Variants in PIWIL1 observed in about 807,000 individuals in gnomAD.
PIWIL1 encodes the protein piwi-like protein 1.
PIWIL1 carries 73 observed loss-of-function variants against 114.4 expected under a neutral mutation model. The observed-to-expected ratio is 0.64, with a 90% CI of 0.53 to 0.78. The LOEUF (loss-of-function observed/expected upper bound fraction) is 0.78. Among genes scored for constraint, PIWIL1 ranks in the 30% least tolerant of loss-of-function variants. The pLI is 0.00. For synonymous variants in PIWIL1, 375 were observed against 369.0 expected, an observed-to-expected ratio of 1.02 and a Z score of -0.19; for missense variants, 723 against 1,063.1, an observed-to-expected ratio of 0.68 and a Z score of 4.45.
In PIWIL1 at chr12:130,362,992, G is replaced by A. The variant is rs200510720; in HGVS notation, c.2043G>A (p.Ala681=). The A allele has an allele frequency of 1.5e-4, 243 of 1,613,704 alleles. No homozygotes were observed. The highest frequency in any genetic ancestry group is 8.3e-4 in the East Asian group (37 of 44,846). Residue 681 remains alanine, a splice_region_variant and synonymous_variant, in exon 18 of 21, where the codon GCG becomes GCA. Coordinates refer to ENST00000245255, the MANE Select transcript of PIWIL1 (RefSeq NM_004764.5). The part of the protein sequence containing the change: ...LVDGLKVCLQ[A]ALRAWNSCNE... The stretch of plus-strand genomic sequence containing the variant: ...TAAAACTTCTCTGGCCTGTTTCAGC[G>A]GCTCTGAGGGCTTGGAATAGCTGCA...
chr12:130,415,522 T>C, the PIWIL1 span, among the ~76,000 whole-genome samples: 1 of 152,236 alleles, frequency 6.6e-6, no homozygotes, highest in Non-Finnish European at 1.5e-5. Flanking sequence ...TCACCATTCC[T>C]GTTCAACACT....
intron 14 of PIWIL1, among the ~76,000 whole-genome samples, 198 bp downstream of exon 14, chr12:130,357,751 C>T (rs560756964): frequency 6.6e-6 from 1 of 152,144 alleles, no homozygotes; most frequent in Non-Finnish European, 1.5e-5. Flanking sequence ...GGTTTACATA[C>T]TGCAAAAGGT....
chr12:130,360,290 A>C (rs928531641), intron 14 of PIWIL1, among the ~76,000 whole-genome samples: 2 of 152,214 alleles, frequency 1.3e-5, no homozygotes, highest in African/African-American at 4.8e-5. Flanking sequence ...CACTATAAAA[A>C]GGGAAGAGAA....
chr12:130,406,381 A>G, the PIWIL1 span: 5 of 611,482 alleles, frequency 8.2e-6, no homozygotes, highest in Non-Finnish European at 1.4e-5. Context: ...ATAAAGGTAG[A>G]AGCTAATGAA....
chr12:130,392,250 G>A, the PIWIL1 span, among the ~76,000 whole-genome samples: 2 of 111,170 alleles, frequency 1.8e-5, no homozygotes, highest in Non-Finnish European at 3.7e-5. Context: ...CCCGGTCACC[G>A]TCATCACGTG....
chr12:130,417,300 G>A, the PIWIL1 span, among the ~76,000 whole-genome samples: 1 of 152,140 alleles, frequency 6.6e-6, no homozygotes. Flanking sequence ...TATGGTGATC[G>A]CAGCACTGTT....
the PIWIL1 span, among the ~76,000 whole-genome samples, chr12:130,401,417 T>A: frequency 2.6e-5 from 4 of 152,134 alleles, no homozygotes; most frequent in Admixed American, 1.3e-4. Context: ...ACCTGGCCAA[T>A]TTTAGATAAA....
chr12:130,359,906 CAAT>C (rs772872273), intron 14 of PIWIL1, among the ~76,000 whole-genome samples: 27 of 152,264 alleles, frequency 1.8e-4, no homozygotes, highest in Non-Finnish European at 3.2e-4. Context: ...TGCATGTGAA[CAAT>C]AATTAGTTCA....
Position 130,371,086 on chromosome 12 carries a change from TGA to T in PIWIL1, c.2322-89_2322-88del, listed in dbSNP as rs2073804979. On this transcript the variant is annotated intron_variant, in intron 19 of 20. Transcript: ENST00000245255. ...ATGAGGTTACTGTAGTAACTTACAG[TGA>T]AGAGTGGTACAGAGCTTTTCACTGT... The T allele has an allele frequency of 6.6e-6, 7 of 1,062,676 alleles. No homozygotes were observed. In the South Asian group the frequency reaches 9.7e-5, roughly 15 times the overall value. 65.8% of individuals were successfully genotyped at this position (1,062,676 alleles called of 1,614,324 possible).
the PIWIL1 span, among the ~76,000 whole-genome samples, chr12:130,384,624 C>T: frequency 1.3e-5 from 2 of 152,218 alleles, no homozygotes; most frequent in Non-Finnish European, 2.9e-5. Flanking sequence ...GGATGCCCAG[C>T]ATGTTTCCAG....
chr12:130,354,477 C>T (rs1463921592), intron 9 of PIWIL1, 60 bp from the exon 10 acceptor site: 5 of 1,601,720 alleles, frequency 3.1e-6, no homozygotes, highest in Non-Finnish European at 4.3e-6. Context: ...CCCTTTTTGC[C>T]CACTGAGATG....
intron 16 of PIWIL1, 102 bp downstream of exon 16, chr12:130,361,703 T>C: frequency 1.1e-6 from 1 of 883,656 alleles, no homozygotes; most frequent in South Asian, 1.5e-5. Context: ...TTCCAGTTTC[T>C]CAATCATATA....
chr12:130,362,950 G>A lies in PIWIL1; in HGVS notation c.2042-41G>A, dbSNP rs374272993. The A allele has an allele frequency of 1.5e-4, 243 of 1,612,104 alleles. 2 individuals carry two copies. The Middle Eastern group carries it at 3.3e-3, about 22-fold the overall frequency. ...TTGGGAAGAACAGACGAGTTGTGTCGTAGGCATGAATTGACATAAAACTTC... is the reference window on the plus strand; with the variant it reads ...TTGGGAAGAACAGACGAGTTGTGTCATAGGCATGAATTGACATAAAACTTC... On this transcript the variant is annotated intron_variant, in intron 17 of 20. Transcript: ENST00000245255.
intron 5 of PIWIL1, 33 bp from the exon 6 acceptor site, chr12:130,346,908 T>G: frequency 6.2e-7 from 1 of 1,601,432 alleles, no homozygotes; most frequent in South Asian, 1.1e-5. Flanking sequence ...TTTAAGGATT[T>G]AAAGTTTGGG....
At chr12:130,343,214 C>A in intron 3 of PIWIL1, 113 bp downstream of exon 3, 1 of 639,998 alleles carries the variant, frequency 1.6e-6, no homozygotes, top group Non-Finnish European at 2.7e-6. Context: ...AGAAACATTT[C>A]CTTATAATGT....
the PIWIL1 span, among the ~76,000 whole-genome samples, chr12:130,388,979 G>C: frequency 6.6e-6 from 1 of 151,874 alleles, no homozygotes; most frequent in Non-Finnish European, 1.5e-5. Flanking sequence ...CCTTTTACCA[G>C]GTTAACAATT....
the PIWIL1 span, among the ~76,000 whole-genome samples, chr12:130,377,808 G>A: frequency 1.3e-5 from 2 of 152,220 alleles, no homozygotes; most frequent in African/African-American, 2.4e-5. Flanking sequence ...TTGGTCTGGG[G>A]CCTGGGGGCT....
chr12:130,355,705 A>C, intron 12 of PIWIL1, 38 bp downstream of exon 12: 1 of 1,401,334 alleles, frequency 7.1e-7, no homozygotes, highest in Non-Finnish European at 1.0e-6. Flanking sequence ...GTTGTTTTTG[A>C]GACGGAGTCT....
the PIWIL1 span, among the ~76,000 whole-genome samples, chr12:130,416,262 G>C: frequency 1.3e-5 from 2 of 152,150 alleles, no homozygotes; most frequent in African/African-American, 4.8e-5. Context: ...AGCCCAAATA[G>C]CCGAAGTGGT....
Sources: allele counts gnomAD v4.1 joint callset (sites outside exome capture counted in the v4.1 genomes callset), GRCh38; gene constraint gnomAD v4.1.1; transcripts MANE v1.5; gene names NCBI Gene and HGNC (gene_info 2026-07-23, HGNC 2026-07-21).